The following CYBB variants were observed in gnomAD, a reference collection of about 807,000 sequenced individuals.
The protein encoded by CYBB is NADPH oxidase 2.
CYBB carries 5 observed loss-of-function variants against 46.5 expected under a neutral mutation model. The ratio of observed to expected loss-of-function variants is 0.11; its 90% CI spans 0.06 to 0.23. The LOEUF (loss-of-function observed/expected upper bound fraction) is 0.23. Ranked by LOEUF, CYBB falls within the 10% of genes least tolerant of loss-of-function variation. The pLI, the probability that CYBB is intolerant of heterozygous loss-of-function variation, is 1.00. For missense variants in CYBB, 307 were observed against 428.3 expected (o/e 0.72, Z 2.50); for synonymous variants, 183 against 156.7 (o/e 1.17, Z -1.26).
intron 7 of CYBB, among the ~76,000 whole-genome samples, chrX:37,799,903 C>T (rs1929401197): frequency 9.0e-6 from 1 of 111,039 alleles, no homozygotes; most frequent in Non-Finnish European, 1.9e-5. Flanking sequence ...TCCTTAGGCA[C>T]AGTATAACAT....
intron 6 of CYBB, 32 bp from the exon 7 acceptor site, chrX:37,798,923 C>T: frequency 8.5e-7 from 1 of 1,180,749 alleles, no homozygotes; most frequent in Admixed American, 2.3e-5. Flanking sequence ...TTTCCTATTA[C>T]TAAATGATCT....
chrX:37,783,579 C>T lies in CYBB; in HGVS notation c.231C>T (p.Ser77=). Residue 77 remains serine, a synonymous_variant, in exon 3 of 13, where the codon TCC becomes TCT. Coordinates refer to ENST00000378588, the MANE Select transcript of CYBB (RefSeq NM_000397.4). ...ILLPVCRNLL[S]FLRGSSACCS... ...TGCCAGTCTGTCGAAATCTGCTGTC[C>T]TTCCTCAGGGGTTCCAGTGCGGTAA... The T allele has an allele frequency of 1.7e-6, 2 of 1,197,248 alleles. No individual in the cohort carries two copies. The highest frequency in any genetic ancestry group is 2.3e-6 in the Non-Finnish European group (2 of 882,151).
At chrX:37,808,078 C>G (rs1556472254) in intron 11 of CYBB, among the ~76,000 whole-genome samples, 1 of 112,286 alleles carries the variant, frequency 8.9e-6, no homozygotes, top group African/African-American at 3.2e-5. Context: ...AGAGTCTCTG[C>G]ATATTTCTGT....
At chrX:37,790,198 T>C (rs1556466587) in intron 3 of CYBB, among the ~76,000 whole-genome samples, 1 of 112,281 alleles carries the variant, frequency 8.9e-6, no homozygotes, top group Admixed American at 9.4e-5. Context: ...CCCAATGATA[T>C]GATATGATCA....
chrX:37,787,641 A>G (rs1405060441), intron 3 of CYBB, among the ~76,000 whole-genome samples: 1 of 111,817 alleles, frequency 8.9e-6, no homozygotes, highest in Non-Finnish European at 1.9e-5. Flanking sequence ...AACGTGGATA[A>G]TTGGGAAGTG....
intron 3 of CYBB, among the ~76,000 whole-genome samples, chrX:37,785,832 G>T (rs113437267): frequency 5.9e-4 from 66 of 111,927 alleles, no homozygotes; most frequent in African/African-American, 2.0e-3. Context: ...GGCCTGTTAA[G>T]AAATCTTGGT....
At chrX:37,797,098 C>T (rs782320681) in intron 6 of CYBB, among the ~76,000 whole-genome samples, 15 of 111,147 alleles carry the variant, frequency 1.3e-4, no homozygotes, top group Non-Finnish European at 2.6e-4. Flanking sequence ...AAGACTCACT[C>T]TGCCCAGAGC....
At chrX:37,810,769 CT>C (rs761807023) in intron 12 of CYBB, 21 bp from the exon 13 acceptor site, 16 of 1,188,271 alleles carry the variant, frequency 1.3e-5, no homozygotes, top group African/African-American at 5.3e-5. Context: ...TTGAAATTGT[CT>C]TTTTTTTTCT....
At chrX:37,786,341 T>A (rs183135749) in intron 3 of CYBB, among the ~76,000 whole-genome samples, 29 of 112,013 alleles carry the variant, frequency 2.6e-4, no homozygotes, top group African/African-American at 7.1e-4. Context: ...TCACTTTAAA[T>A]CATGCTGCCA....
intron 6 of CYBB, among the ~76,000 whole-genome samples, chrX:37,796,967 T>G (rs1246424538): frequency 9.0e-6 from 1 of 111,535 alleles, no homozygotes. Context: ...GGAGATCCTC[T>G]TTCATACCAA....
intron 3 of CYBB, among the ~76,000 whole-genome samples, chrX:37,788,505 T>C: frequency 9.0e-6 from 1 of 111,430 alleles, no homozygotes; most frequent in East Asian, 2.8e-4. Flanking sequence ...AGCTGGGGAG[T>C]GCAGCCTTAC....
At position 37,793,747 on chromosome X, in the gene CYBB, A is replaced by T. The variant is rs782722516; in HGVS notation, c.420A>T (p.Ala140=). ...RVNNSDPYSV[A]LSELGDRQNE... ...ATAATTCTGATCCTTATTCAGTAGC[A>T]CTCTCTGAACTTGGAGACAGGCAAA... Residue 140 remains alanine, a synonymous_variant, in exon 5 of 13, where the codon GCA becomes GCT. Transcript: ENST00000378588. The T allele has an allele frequency of 8.3e-7, 1 of 1,206,638 alleles. No individual in the cohort carries two copies. Among genetic ancestry groups the T allele is most frequent in the Non-Finnish European group, 1.1e-6 (1 of 891,809 alleles).
At chrX:37,788,815 CTG>C (rs1290492947) in intron 3 of CYBB, among the ~76,000 whole-genome samples, 1 of 111,810 alleles carries the variant, frequency 8.9e-6, no homozygotes, top group Non-Finnish European at 1.9e-5. Context: ...CCTGTAAGGA[CTG>C]TATCAATCAT....
chrX:37,789,903 C>G (rs1306602944), intron 3 of CYBB, among the ~76,000 whole-genome samples: 2 of 111,770 alleles, frequency 1.8e-5, no homozygotes, highest in African/African-American at 3.3e-5. Flanking sequence ...ACTGGCACTT[C>G]CAATCCATGC....
intron 7 of CYBB, 44 bp from the exon 8 acceptor site, chrX:37,801,212 T>C (rs782685319): frequency 1.3e-5 from 12 of 937,008 alleles, no homozygotes; most frequent in Middle Eastern, 2.6e-4. Flanking sequence ...TTGTTATCTA[T>C]TACCACTTAA....
intron 3 of CYBB, among the ~76,000 whole-genome samples, chrX:37,785,423 A>C (rs1556465314): frequency 8.9e-6 from 1 of 112,801 alleles, no homozygotes; most frequent in East Asian, 2.8e-4. Context: ...AAAATCTTCC[A>C]AATTTAAGAA....
intron 5 of CYBB, 139 bp downstream of exon 5, chrX:37,793,949 A>C: frequency 1.9e-6 from 1 of 533,360 alleles, no homozygotes; most frequent in South Asian, 2.8e-5. Flanking sequence ...GTAGGTTACA[A>C]TAATGGGAGT....
chrX:37,810,828 T>A lies in CYBB; in HGVS notation c.1624T>A (p.Leu542Met). Residue 542 changes from leucine to methionine, a missense_variant, in exon 13 of 13, where the codon TTG becomes ATG. Leu to Met is a conservative substitution (Grantham distance 15). Coordinates refer to ENST00000378588, the MANE Select transcript of CYBB (RefSeq NM_000397.4). ...IGVFLCGPEA[L>M]AETLSKQSIS... ...AGTTTTCCTCTGTGGACCTGAAGCC[T>A]TGGCTGAAACCCTGAGTAAACAAAG... is the stretch of plus-strand genomic sequence containing the variant. The A allele has an allele frequency of 8.3e-7, 1 of 1,208,507 alleles. No individual in the cohort carries two copies.
chrX:37,796,107 A>G lies in CYBB; in HGVS notation c.640A>G (p.Ile214Val). The G allele has an allele frequency of 8.3e-7, 1 of 1,210,119 alleles. No homozygotes were observed. Reference protein sequence around the residue: ...VFWYTHHLFVIFFIGLAIHGA... With the variant: ...VFWYTHHLFVVFFIGLAIHGA... ...TTGGTACACACATCATCTCTTTGTG[A>G]TCTTCTTCATTGGCCTTGCCATCCA... The change falls in exon 6 of 13, where the codon ATC (isoleucine) becomes GTC (valine). Residue 214 changes from isoleucine to valine, a missense_variant. Ile to Val is a conservative substitution (Grantham distance 29). Coordinates refer to ENST00000378588, the MANE Select transcript of CYBB (RefSeq NM_000397.4).
Sources: allele counts gnomAD v4.1 joint callset (sites outside exome capture counted in the v4.1 genomes callset), GRCh38; gene constraint gnomAD v4.1.1; transcripts MANE v1.5; gene names NCBI Gene and HGNC (gene_info 2026-07-23, HGNC 2026-07-21).